SLAIN2: variants seen among roughly 807,000 people sequenced by gnomAD.
The protein encoded by SLAIN2 is SLAIN family member 2, also known as SLAIN motif-containing protein 2.
In SLAIN2, 31 loss-of-function variants were observed where a neutral mutation model predicts 56.6. The ratio of observed to expected loss-of-function variants is 0.55; its 90% CI spans 0.41 to 0.74. SLAIN2 has a LOEUF of 0.74. SLAIN2 is among the 30% of genes least tolerant of loss of function. The pLI is 0.00. For synonymous variants in SLAIN2, 317 were observed against 284.9 expected, an observed-to-expected ratio of 1.11 and a Z score of -1.13; for missense variants, 777 against 754.2, an observed-to-expected ratio of 1.03 and a Z score of -0.35.
intron 6 of SLAIN2, among the ~76,000 whole-genome samples, chr4:48,416,375 G>A (rs1377426381): frequency 9.2e-6 from 1 of 108,228 alleles, no homozygotes; most frequent in African/African-American, 3.6e-5. Context: ...TGTTGTTGGT[G>A]TATAAGAATG....
Position 48,341,724 on chromosome 4 carries a change from C to T in SLAIN2, c.-16C>T, listed in dbSNP as rs1311074644. The T allele has an allele frequency of 2.6e-6, 4 of 1,523,736 alleles. No individual in the cohort carries two copies. The East Asian group carries it at 7.9e-5, about 30-fold the overall frequency. 94.4% of individuals were successfully genotyped at this position (1,523,736 alleles called of 1,614,324 possible). On this transcript the variant is annotated 5_prime_UTR_variant, in exon 1 of 8. Coordinates refer to ENST00000264313, the MANE Select transcript of SLAIN2 (RefSeq NM_020846.2). Reference sequence around the variant, plus strand: ...AGCGAGCGGGCGGCGGAGGCGGCGGCGGCGGCGGGGCCGGGATGGAGGACG... The same window carrying T: ...AGCGAGCGGGCGGCGGAGGCGGCGGTGGCGGCGGGGCCGGGATGGAGGACG...
rs1048048302 is a variant in SLAIN2, at chr4:48,341,567, G to A, written c.-173G>A. ...GCGCAGATGAGGCAGTTCGGCTGGG[G>A]CCAGCGGCGCTTTGGAACCCGAGGT... On this transcript the variant is annotated 5_prime_UTR_variant, in exon 1 of 8. Coordinates refer to ENST00000264313, the MANE Select transcript of SLAIN2 (RefSeq NM_020846.2). 8 of 1,036,206 alleles carry A rather than the reference G, an allele frequency of 7.7e-6. No individual in the cohort carries two copies. The Admixed American group carries it at 2.7e-4, about 35-fold the overall frequency. The allele number at this position is 1,036,206 out of a possible 1,614,324, so 64.2% of individuals were successfully genotyped here. A position where few individuals can be genotyped will look rare whatever the true frequency, so the allele number is the denominator to read the frequency against.
At chr4:48,368,156 C>T (rs972069683) in intron 1 of SLAIN2, among the ~76,000 whole-genome samples, 1 of 149,216 alleles carries the variant, frequency 6.7e-6, no homozygotes, top group African/African-American at 2.5e-5. Flanking sequence ...TCAAGCAGTT[C>T]TTGTGCCTCA....
intron 2 of SLAIN2, among the ~76,000 whole-genome samples, chr4:48,370,779 G>A (rs1231059855): frequency 2.6e-5 from 4 of 152,164 alleles, no homozygotes; most frequent in Non-Finnish European, 5.9e-5. Flanking sequence ...AAAGATGGAT[G>A]CATGATTAGT....
intron 6 of SLAIN2, among the ~76,000 whole-genome samples, chr4:48,416,361 TGTC>T: frequency 1.0e-5 from 1 of 98,526 alleles, no homozygotes; most frequent in East Asian, 2.6e-4. Context: ...GCTCTCTGTT[TGTC>T]TGTTGTTGGT....
chr4:48,420,555 C>A, intron 7 of SLAIN2, 112 bp downstream of exon 7: 1 of 1,199,108 alleles, frequency 8.3e-7, no homozygotes. Context: ...ATGGTGGATT[C>A]CCACCAGAGT....
intron 1 of SLAIN2, among the ~76,000 whole-genome samples, chr4:48,368,827 A>G (rs1435380792): frequency 6.6e-6 from 1 of 152,218 alleles, no homozygotes; most frequent in African/African-American, 2.4e-5. Context: ...TAAATAATGC[A>G]TATGAGAGAC....
intron 1 of SLAIN2, among the ~76,000 whole-genome samples, chr4:48,365,415 C>T (rs1393147407): frequency 2.5e-5 from 3 of 120,694 alleles, no homozygotes; most frequent in Admixed American, 2.2e-4. Flanking sequence ...TGCAGTGAGC[C>T]GAGATCGCAA....
rs1714698357 is a variant in SLAIN2, at chr4:48,341,572, C to T, written c.-168C>T. ...GATGAGGCAGTTCGGCTGGGGCCAG[C>T]GGCGCTTTGGAACCCGAGGTGGGGG... On this transcript the variant is annotated 5_prime_UTR_variant, in exon 1 of 8. Transcript: ENST00000264313. The T allele has an allele frequency of 1.9e-6, 2 of 1,078,970 alleles. No homozygotes were observed. The highest frequency in any genetic ancestry group is 2.5e-6 in the Non-Finnish European group (2 of 804,320). The allele number at this position is 1,078,970 out of a possible 1,614,324, so 66.8% of individuals were successfully genotyped here.
At position 48,341,910 on chromosome 4, in the gene SLAIN2, C is replaced by T; in HGVS notation, c.171C>T (p.Pro57=). 1 of 1,508,158 alleles carries T rather than the reference C, an allele frequency of 6.6e-7. No homozygotes were observed. Among genetic ancestry groups the T allele is most frequent in the Non-Finnish European group, 8.8e-7 (1 of 1,130,020 alleles). The allele number at this position is 1,508,158 out of a possible 1,614,324, so 93.4% of individuals were successfully genotyped here. The part of the protein sequence containing the change: ...GSPVRAGASI[P]SSGAASPRGF... ...CGGTTCGGGCCGGCGCGTCCATTCCCTCCTCCGGCGCGGCGTCTCCTCGGG... is the reference window on the plus strand; with the variant it reads ...CGGTTCGGGCCGGCGCGTCCATTCCTTCCTCCGGCGCGGCGTCTCCTCGGG... The change falls in exon 1 of 8, where the codon CCC becomes CCT. Residue 57 remains proline (P), a synonymous_variant. Transcript: ENST00000264313.
chr4:48,342,204 G>A (rs937606231), intron 1 of SLAIN2, 76 bp downstream of exon 1: 10 of 1,322,496 alleles, frequency 7.6e-6, no homozygotes, highest in Non-Finnish European at 8.7e-6. Flanking sequence ...GGGTCCCTCT[G>A]GTCGGGCGCC....
chr4:48,359,432 G>A (rs945825430), intron 1 of SLAIN2, among the ~76,000 whole-genome samples: 15 of 152,204 alleles, frequency 9.9e-5, no homozygotes, highest in African/African-American at 3.1e-4. Flanking sequence ...CTTGGCTTCA[G>A]TAGCCTACTT....
chr4:48,342,695 G>A (rs998002662), intron 1 of SLAIN2, among the ~76,000 whole-genome samples: 1 of 147,460 alleles, frequency 6.8e-6, no homozygotes, highest in African/African-American at 2.5e-5. Context: ...TGAAGAGAGG[G>A]CAGAGGATGG....
intron 2 of SLAIN2, among the ~76,000 whole-genome samples, chr4:48,370,723 C>T (rs1406672117): frequency 1.3e-5 from 2 of 152,142 alleles, no homozygotes; most frequent in African/African-American, 2.4e-5. Flanking sequence ...TTGTTCATTT[C>T]TTCTTGTATT....
chr4:48,371,948 AAAC>A (rs1408650653), intron 2 of SLAIN2, among the ~76,000 whole-genome samples: 24 of 148,628 alleles, frequency 1.6e-4, no homozygotes, highest in Non-Finnish European at 4.4e-5. Flanking sequence ...TGCCAAAACA[AAAC>A]AAAACAAACA....
At chr4:48,421,297 T>C (rs1181083384) in intron 7 of SLAIN2, among the ~76,000 whole-genome samples, 1 of 152,144 alleles carries the variant, frequency 6.6e-6, no homozygotes, top group African/African-American at 2.4e-5. Context: ...GCTGGTTTTT[T>C]TGTTTGTTTG....
intron 6 of SLAIN2, among the ~76,000 whole-genome samples, chr4:48,406,300 A>G (rs1300678212): frequency 6.6e-6 from 1 of 152,108 alleles, no homozygotes; most frequent in Non-Finnish European, 1.5e-5. Context: ...TTGTGTTTGT[A>G]TATTTTTTTA....
intron 1 of SLAIN2, among the ~76,000 whole-genome samples, chr4:48,348,428 C>T (rs899381688): frequency 2.0e-5 from 3 of 152,112 alleles, no homozygotes; most frequent in African/African-American, 7.2e-5. Flanking sequence ...TGGCTCATGC[C>T]TGTAATCCTA....
At chr4:48,368,431 C>T (rs1358142628) in intron 1 of SLAIN2, among the ~76,000 whole-genome samples, 1 of 151,808 alleles carries the variant, frequency 6.6e-6, no homozygotes, top group Non-Finnish European at 1.5e-5. Flanking sequence ...TACATGTGAG[C>T]CATGTGGGTA....
Sources: gnomAD v4.1 joint callset for allele counts (sites outside exome capture counted in the v4.1 genomes callset) on GRCh38, gnomAD v4.1.1 for gene constraint, MANE v1.5 for transcripts, NCBI Gene and HGNC (gene_info 2026-07-23, HGNC 2026-07-21) for gene names.